The following FBP1 variants were observed in gnomAD, a reference collection of about 807,000 sequenced individuals.
FBP1 encodes the protein fructose-bisphosphatase 1, also known as fructose-1,6-bisphosphatase 1.
FBP1 carries 22 observed loss-of-function variants against 29.9 expected under a neutral mutation model. The ratio of observed to expected loss-of-function variants is 0.74; its 90% CI spans 0.53 to 1.05. The LOEUF is 1.05. Ranked by LOEUF, FBP1 falls within the 50% of genes least tolerant of loss-of-function variation. The pLI, the probability that FBP1 is intolerant of heterozygous loss-of-function variation, is 0.00. For synonymous variants in FBP1, 175 were observed against 178.6 expected (o/e 0.98, Z 0.16); for missense variants, 345 against 448.2 (o/e 0.77, Z 2.08).
intron 3 of FBP1, among the ~76,000 whole-genome samples, chr9:94,614,561 G>A (rs576075353): frequency 1.6e-4 from 25 of 152,066 alleles, no homozygotes; most frequent in African/African-American, 5.1e-4. Context: ...AGTAGTAGTC[G>A]GTAGGCCCTG....
At position 94,609,999 on chromosome 9, in the gene FBP1, G is replaced by A. The variant is rs572753799; in HGVS notation, c.489C>T (p.Ala163=). Residue 163 remains alanine, a synonymous_variant, in exon 4 of 7, where the codon GCC becomes GCT. Transcript: ENST00000375326. ...ALQPGRNLVA[A]GYALYGSATM... Reference sequence around the variant, plus strand: ...TGGCACTGCCATACAGTGCGTAGCCGGCTGCCACCAGGTTCCGGCCTGGTT... The same window carrying A: ...TGGCACTGCCATACAGTGCGTAGCCAGCTGCCACCAGGTTCCGGCCTGGTT... 353 of 1,614,108 alleles carry A rather than the reference G, an allele frequency of 2.2e-4. No homozygotes were observed. The highest frequency in any genetic ancestry group is 2.5e-4 in the Non-Finnish European group (298 of 1,179,948).
In FBP1 at chr9:94,606,988, G is replaced by A. The variant is rs137976762; in HGVS notation, c.568-36C>T. On this transcript the variant is annotated intron_variant, in intron 4 of 6. Coordinates refer to ENST00000375326, the MANE Select transcript of FBP1 (RefSeq NM_000507.4). ...AAGGAAGGAAAGGTGGAGAGATGAC[G>A]AGCGCACTGGGTCCCCCAGGCCTGG... is the stretch of plus-strand genomic sequence containing the variant. The A allele has an allele frequency of 6.9e-3, 11,147 of 1,613,520 alleles. 52 individuals carry two copies. Among genetic ancestry groups the A allele is most frequent in the Non-Finnish European group, 8.7e-3 (10,300 of 1,179,666 alleles).
chr9:94,626,924 C>A (rs1828033784), intron 1 of FBP1, among the ~76,000 whole-genome samples: 1 of 152,088 alleles, frequency 6.6e-6, no homozygotes, highest in African/African-American at 2.4e-5. Context: ...CGCAGTGGCT[C>A]ACACCTGTAA....
chr9:94,628,014 G>C (rs977972194), intron 1 of FBP1, among the ~76,000 whole-genome samples: 1 of 152,212 alleles, frequency 6.6e-6, no homozygotes, highest in Non-Finnish European at 1.5e-5. Context: ...GTTGGGGGCT[G>C]ATCATGCAGG....
chr9:94,617,883 C>T (rs1473277096), intron 2 of FBP1, 23 bp from the exon 3 acceptor site: 1 of 1,549,876 alleles, frequency 6.5e-7, no homozygotes, highest in Non-Finnish European at 8.9e-7. Flanking sequence ...AAAAGAAATA[C>T]AACCTTAAAA....
intron 4 of FBP1, among the ~76,000 whole-genome samples, chr9:94,608,074 G>C (rs1827726701): frequency 6.6e-6 from 1 of 152,170 alleles, no homozygotes; most frequent in Non-Finnish European, 1.5e-5. Flanking sequence ...ACAGTTGCTG[G>C]GTGCAGAGCG....
intron 5 of FBP1, 25 bp from the exon 6 acceptor site, chr9:94,605,601 T>C (rs1827686199): frequency 6.2e-7 from 1 of 1,611,880 alleles, no homozygotes. Context: ...CAGCAAGAAT[T>C]AGGATTGCAG....
At chr9:94,619,464 C>A (rs1013866190) in intron 2 of FBP1, among the ~76,000 whole-genome samples, 2 of 152,094 alleles carry the variant, frequency 1.3e-5, no homozygotes, top group African/African-American at 4.8e-5. Context: ...TGGGAATACT[C>A]TTTCATTTAA....
chr9:94,634,318 G>C (rs902215716), intron 1 of FBP1, among the ~76,000 whole-genome samples: 2 of 150,926 alleles, frequency 1.3e-5, no homozygotes, highest in Non-Finnish European at 3.0e-5. Flanking sequence ...GAAAGAAAAA[G>C]AAAGCATCTT....
At chr9:94,605,875 A>G (rs1827691745) in intron 5 of FBP1, among the ~76,000 whole-genome samples, 1 of 152,180 alleles carries the variant, frequency 6.6e-6, no homozygotes, top group Non-Finnish European at 1.5e-5. Flanking sequence ...ACCATTTAGT[A>G]ACACCTTAAA....
chr9:94,611,598 AT>A (rs879533042), intron 3 of FBP1, among the ~76,000 whole-genome samples: 35 of 152,016 alleles, frequency 2.3e-4, no homozygotes, highest in African/African-American at 7.2e-4. Flanking sequence ...ACGAAAAAAA[AT>A]TTTTTTTTAA....
chr9:94,631,972 G>A (rs1178726585), intron 1 of FBP1, among the ~76,000 whole-genome samples: 1 of 152,010 alleles, frequency 6.6e-6, no homozygotes, highest in Non-Finnish European at 1.5e-5. Flanking sequence ...GGCTGTCTGC[G>A]CTTCTTTTAT....
intron 1 of FBP1, among the ~76,000 whole-genome samples, chr9:94,631,728 G>A (rs886706685): frequency 6.6e-6 from 1 of 152,168 alleles, no homozygotes; most frequent in East Asian, 1.9e-4. Flanking sequence ...CTCGGAACAC[G>A]CAGCTCAACC....
At chr9:94,606,583 C>A (rs538926953) in intron 5 of FBP1, among the ~76,000 whole-genome samples, 1 of 152,352 alleles carries the variant, frequency 6.6e-6, no homozygotes, top group African/African-American at 2.4e-5. Context: ...GTGAGAACTT[C>A]ATCGTGGGCT....
rs1387620288 is a variant in FBP1 at position 94,605,495 on chromosome 9, A to T, written c.787T>A (p.Phe263Ile). The change falls in exon 6 of 7, where the codon TTT becomes ATT. Residue 263 changes from phenylalanine to isoleucine, a missense_variant. Phe to Ile is a conservative substitution (Grantham distance 21). Coordinates refer to ENST00000375326, the MANE Select transcript of FBP1 (RefSeq NM_000507.4). ...VHRTLVYGGI[F>I]LYPANKKSPN... Reference sequence around the variant, plus strand: ...CTCTTCTTGTTAGCGGGGTACAGAAATATCCCTCCGTAGACCAGAGTGCGA... The same window carrying T: ...CTCTTCTTGTTAGCGGGGTACAGAATTATCCCTCCGTAGACCAGAGTGCGA... 2 of 1,614,028 alleles carry T rather than the reference A, an allele frequency of 1.2e-6. No individual in the cohort carries two copies. Among genetic ancestry groups the T allele is most frequent in the Middle Eastern group, 1.7e-4 (1 of 6,026 alleles).
intron 1 of FBP1, among the ~76,000 whole-genome samples, chr9:94,627,850 G>A (rs1405450121): frequency 6.6e-6 from 1 of 152,178 alleles, no homozygotes; most frequent in Non-Finnish European, 1.5e-5. Flanking sequence ...CAGGCCAACT[G>A]TGCCTTACAA....
chr9:94,605,255 G>A (rs538565895), intron 6 of FBP1, among the ~76,000 whole-genome samples: 169 of 152,178 alleles, frequency 1.1e-3, no homozygotes, highest in Non-Finnish European at 1.8e-3. Flanking sequence ...CATAGCACTG[G>A]AAGGGCTCTC....
intron 1 of FBP1, among the ~76,000 whole-genome samples, chr9:94,635,210 C>T (rs1254557296): frequency 1.3e-5 from 2 of 152,094 alleles, no homozygotes; most frequent in African/African-American, 2.4e-5. Context: ...ACCTCCAATC[C>T]GGGGTTCCTG....
chr9:94,626,513 G>C (rs553869810), intron 1 of FBP1, among the ~76,000 whole-genome samples: 19 of 152,300 alleles, frequency 1.2e-4, no homozygotes, highest in African/African-American at 4.6e-4. Flanking sequence ...GCACAGCCAT[G>C]ATGAGCAGTC....
Sources: allele counts gnomAD v4.1 joint callset (sites outside exome capture counted in the v4.1 genomes callset), GRCh38; gene constraint gnomAD v4.1.1; transcripts MANE v1.5; gene names NCBI Gene and HGNC (gene_info 2026-07-23, HGNC 2026-07-21).